Variants in SIRPD observed in about 807,000 individuals in gnomAD.
SIRPD encodes the protein signal-regulatory protein delta.
SIRPD carries 21 observed loss-of-function variants against 18.0 expected under a neutral mutation model. The ratio of observed to expected loss-of-function variants is 1.17; its 90% CI spans 0.83 to 1.68. The LOEUF (loss-of-function observed/expected upper bound fraction) is 1.68. Ranked by LOEUF, SIRPD falls within the 40% of genes most tolerant of loss-of-function variation. The pLI, the probability that SIRPD is intolerant of heterozygous loss-of-function variation, is 0.00. For synonymous variants in SIRPD, 106 were observed against 92.9 expected, an observed-to-expected ratio of 1.14 and a Z score of -0.81; for missense variants, 295 against 238.4, an observed-to-expected ratio of 1.24 and a Z score of -1.56.
chr20:1,546,984 A>T (rs1217822852), intron 2 of SIRPD, among the ~76,000 whole-genome samples: 3 of 152,156 alleles, frequency 2.0e-5, no homozygotes, highest in Non-Finnish European at 4.4e-5. Context: ...TACTTTCTTG[A>T]TAATGTCCTT....
intron 2 of SIRPD, chr20:1,540,210 C>A: frequency 2.3e-6 from 1 of 436,248 alleles, no homozygotes. Context: ...GGCAGCAAAC[C>A]AGAAGCCAAA....
chr20:1,554,655 C>A (rs1291456721), intron 1 of SIRPD, among the ~76,000 whole-genome samples: 1 of 151,918 alleles, frequency 6.6e-6, no homozygotes. Context: ...AGGGATACTG[C>A]CCCAAGCTAA....
intron 2 of SIRPD, among the ~76,000 whole-genome samples, chr20:1,538,619 C>T (rs1386887023): frequency 6.6e-6 from 1 of 152,188 alleles, no homozygotes; most frequent in East Asian, 1.9e-4. Flanking sequence ...TTCTACCTGG[C>T]TTTCTTGGGA....
chr20:1,555,654 AG>A (rs1227701137), intron 1 of SIRPD, among the ~76,000 whole-genome samples: 2 of 152,254 alleles, frequency 1.3e-5, no homozygotes, highest in Non-Finnish European at 2.9e-5. Flanking sequence ...AAAACCATCA[AG>A]TTGTACACCT....
intron 1 of SIRPD, among the ~76,000 whole-genome samples, chr20:1,556,247 T>A (rs2091041067): frequency 6.6e-6 from 1 of 151,874 alleles, no homozygotes; most frequent in Non-Finnish European, 1.5e-5. Context: ...TTACAGTCTG[T>A]GTACCTCACC....
At chr20:1,534,757 C>T (rs1362134414) in intron 3 of SIRPD, among the ~76,000 whole-genome samples, 1 of 152,180 alleles carries the variant, frequency 6.6e-6, no homozygotes, top group Non-Finnish European at 1.5e-5. Flanking sequence ...CAAAATACCC[C>T]CTGTCCATTG....
At chr20:1,553,417 T>G (rs1259589153) in intron 1 of SIRPD, among the ~76,000 whole-genome samples, 1 of 152,172 alleles carries the variant, frequency 6.6e-6, no homozygotes, top group Non-Finnish European at 1.5e-5. Flanking sequence ...CCCTTTGTTT[T>G]GGCCCAGGAG....
chr20:1,556,021 A>T (rs997399487), intron 1 of SIRPD, among the ~76,000 whole-genome samples: 9 of 152,196 alleles, frequency 5.9e-5, no homozygotes, highest in South Asian at 2.1e-4. Context: ...GGCTTCCCTC[A>T]GTTCATTGCC....
chr20:1,556,105 T>G (rs570598427), intron 1 of SIRPD, among the ~76,000 whole-genome samples: 1 of 152,192 alleles, frequency 6.6e-6, no homozygotes, highest in Non-Finnish European at 1.5e-5. Flanking sequence ...AAAAAAACTC[T>G]AGTGTGATAG....
At chr20:1,538,878 T>G (rs535683113) in intron 2 of SIRPD, among the ~76,000 whole-genome samples, 1 of 152,238 alleles carries the variant, frequency 6.6e-6, no homozygotes, top group Non-Finnish European at 1.5e-5. Flanking sequence ...GTCATTCTTG[T>G]ACCCTGTCTG....
chr20:1,536,269 A>G (rs2090944840), intron 3 of SIRPD, among the ~76,000 whole-genome samples: 1 of 152,234 alleles, frequency 6.6e-6, no homozygotes, highest in Admixed American at 6.5e-5. Context: ...TCTCACCACA[A>G]CTGTATTGGA....
In SIRPD at chr20:1,551,961, A is replaced by C; in HGVS notation, c.151T>G (p.Cys51Gly). The change falls in exon 2 of 4, where the codon TGC (cysteine) becomes GGC (glycine). Residue 51 changes from cysteine (C) to glycine (G), a missense_variant. Cys to Gly is a radical substitution (Grantham distance 159, BLOSUM62 -3). Coordinates refer to ENST00000381623, the MANE Select transcript of SIRPD (RefSeq NM_178460.3). ...TTTGGTAAGGTATTGGGTACGCTGCAACTCAAGATGATTGACTCCCCAGTT... is the reference window on the plus strand; with the variant it reads ...TTTGGTAAGGTATTGGGTACGCTGCCACTCAAGATGATTGACTCCCCAGTT... ...VSTGESIILS[C>G]SVPNTLPNGP... is the part of the protein sequence containing the mutation. 6.2e-7 allele frequency: 1 copy of C among 1,614,078 alleles called. No individual in the cohort carries two copies. The highest frequency in any genetic ancestry group is 8.5e-7 in the Non-Finnish European group (1 of 1,179,988).
At chr20:1,537,064 C>G in intron 3 of SIRPD, 91 bp downstream of exon 3, 1 of 1,465,250 alleles carries the variant, frequency 6.8e-7, no homozygotes, top group African/African-American at 1.4e-5. Flanking sequence ...AACAGAGATT[C>G]ATCCGCCCCA....
At chr20:1,543,710 G>A (rs2090981763) in intron 2 of SIRPD, among the ~76,000 whole-genome samples, 1 of 152,014 alleles carries the variant, frequency 6.6e-6, no homozygotes. Context: ...TGTGATTTTA[G>A]GGTGTCTATT....
At chr20:1,545,234 A>G (rs2090988653) in intron 2 of SIRPD, among the ~76,000 whole-genome samples, 1 of 152,082 alleles carries the variant, frequency 6.6e-6, no homozygotes, top group South Asian at 2.1e-4. Flanking sequence ...CATTCTCCCC[A>G]TCACTTTAGG....
At chr20:1,547,581 G>GT (rs1371284419) in intron 2 of SIRPD, among the ~76,000 whole-genome samples, 2 of 152,134 alleles carry the variant, frequency 1.3e-5, no homozygotes, top group Admixed American at 1.3e-4. Flanking sequence ...AAAGAAAAAC[G>GT]TGTGTTCTCC....
intron 2 of SIRPD, among the ~76,000 whole-genome samples, chr20:1,544,002 C>A (rs924018806): frequency 6.6e-6 from 1 of 152,104 alleles, no homozygotes; most frequent in African/African-American, 2.4e-5. Context: ...CATTCTTTTG[C>A]ATTTGCTGAG....
At chr20:1,541,330 C>G (rs1379548947) in intron 2 of SIRPD, among the ~76,000 whole-genome samples, 1 of 152,212 alleles carries the variant, frequency 6.6e-6, no homozygotes, top group Non-Finnish European at 1.5e-5. Context: ...GATCACCATT[C>G]TAACTGGCCT....
intron 2 of SIRPD, among the ~76,000 whole-genome samples, chr20:1,551,444 TG>T (rs1252416376): frequency 6.6e-6 from 1 of 152,184 alleles, no homozygotes; most frequent in Non-Finnish European, 1.5e-5. Flanking sequence ...AGGTTAGTCA[TG>T]GGGGTGGATT....
Sources: allele counts gnomAD v4.1 joint callset (sites outside exome capture counted in the v4.1 genomes callset), GRCh38; gene constraint gnomAD v4.1.1; transcripts MANE v1.5; gene names NCBI Gene and HGNC (gene_info 2026-07-23, HGNC 2026-07-21).